BCL2L13: variants seen among roughly 807,000 people sequenced by gnomAD.
BCL2L13 encodes BCL2 like 13, also known as bcl-2-like protein 13.
A neutral mutation model predicts 25.8 loss-of-function variants in BCL2L13; 13 were observed. The observed-to-expected ratio is 0.50, with a 90% CI of 0.33 to 0.80. The LOEUF is 0.80. BCL2L13 is among the 30% of genes least tolerant of loss of function. BCL2L13 has a pLI of 0.02. For synonymous variants in BCL2L13, 244 were observed against 230.3 expected (o/e 1.06, Z -0.54); for missense variants, 504 against 574.9 (o/e 0.88, Z 1.26).
upstream of BCL2L13, chr22:17,638,651 G>A (rs764704532): frequency 6.8e-5 from 84 of 1,229,910 alleles, no homozygotes; most frequent in Non-Finnish European, 8.1e-5. Flanking sequence ...GAGACCTCCG[G>A]GGCCTCCGTT....
chr22:17,650,303 A>G (rs959933323), intron 1 of BCL2L13, among the ~76,000 whole-genome samples: 3 of 152,054 alleles, frequency 2.0e-5, no homozygotes, highest in African/African-American at 4.8e-5. Flanking sequence ...TTCTGTTTCA[A>G]TCTGGACTGA....
intron 1 of BCL2L13, among the ~76,000 whole-genome samples, chr22:17,630,881 G>A (rs1004050386): frequency 2.6e-5 from 4 of 151,114 alleles, no homozygotes; most frequent in East Asian, 2.0e-4. Context: ...GTGAGCCACC[G>A]CGCCCAGCCA....
intron 3 of BCL2L13, among the ~76,000 whole-genome samples, chr22:17,687,566 G>A (rs2059980252): frequency 6.6e-6 from 1 of 151,952 alleles, no homozygotes; most frequent in South Asian, 2.1e-4. Context: ...ACCCAGGCTG[G>A]AGTGCAGTGT....
intron 4 of BCL2L13, among the ~76,000 whole-genome samples, chr22:17,692,994 T>C (rs1228233374): frequency 2.0e-5 from 3 of 152,158 alleles, no homozygotes; most frequent in Non-Finnish European, 2.9e-5. Context: ...TTTCTAATGC[T>C]CATTAGCCAC....
upstream of BCL2L13, among the ~76,000 whole-genome samples, chr22:17,637,711 T>C (rs1056578641): frequency 1.3e-5 from 2 of 152,050 alleles, no homozygotes; most frequent in Non-Finnish European, 2.9e-5. Flanking sequence ...ACTAAGCCTT[T>C]CCTTTGCAAA....
chr22:17,723,824 T>C (rs1012239628), intron 6 of BCL2L13, among the ~76,000 whole-genome samples: 5 of 151,484 alleles, frequency 3.3e-5, no homozygotes, highest in African/African-American at 1.2e-4. Context: ...TTCCAGCTAC[T>C]CGGGAGGCTG....
intron 2 of BCL2L13, among the ~76,000 whole-genome samples, chr22:17,662,219 C>A (rs1335388543): frequency 6.6e-6 from 1 of 152,220 alleles, no homozygotes; most frequent in Non-Finnish European, 1.5e-5. Flanking sequence ...TGGCTCACGC[C>A]TGTAATCCCA....
At chr22:17,676,947 T>C (rs1027192225) in intron 2 of BCL2L13, among the ~76,000 whole-genome samples, 4 of 152,252 alleles carry the variant, frequency 2.6e-5, no homozygotes, top group Non-Finnish European at 5.9e-5. Flanking sequence ...CAAGTTTTTA[T>C]GAATGTAGTT....
chr22:17,681,305 G>A (rs1177608039), intron 2 of BCL2L13, among the ~76,000 whole-genome samples: 1 of 151,992 alleles, frequency 6.6e-6, no homozygotes, highest in Non-Finnish European at 1.5e-5. Context: ...AGGAGATCGA[G>A]ACCATCCTGG....
chr22:17,653,631 A>G (rs754174631), intron 1 of BCL2L13, among the ~76,000 whole-genome samples: 1 of 151,198 alleles, frequency 6.6e-6, no homozygotes, highest in Non-Finnish European at 1.5e-5. Context: ...CAGCCTCCCA[A>G]GTAACTAGGA....
chr22:17,631,696 ATATATATATATTTTTTTTTTTTTTTTTT>A (rs2058029305), intron 1 of BCL2L13, among the ~76,000 whole-genome samples: 4 of 33,226 alleles, frequency 1.2e-4, no homozygotes, highest in Non-Finnish European at 1.9e-4. Context: ...ATATATATAT[ATATATATATATTTTTTTTTTTTTTTTTT>A]TTTTTTTTTT....
intron 2 of BCL2L13, among the ~76,000 whole-genome samples, chr22:17,669,575 T>G (rs1404609880): frequency 6.6e-6 from 1 of 152,190 alleles, no homozygotes; most frequent in Admixed American, 6.5e-5. Context: ...AGGTCATCCA[T>G]GAGGGATGCA....
chr22:17,681,015 C>T (rs1304924713), intron 2 of BCL2L13, among the ~76,000 whole-genome samples: 1 of 152,094 alleles, frequency 6.6e-6, no homozygotes, highest in East Asian at 1.9e-4. Context: ...GTCCCATTTC[C>T]TACTCTGTCG....
rs1034523805 is a variant in BCL2L13 at position 17,721,180 on chromosome 22, AAT to A, written c.601-5486_601-5485del. 2.6e-5 allele frequency among the ~76,000 whole-genome samples: 4 copies of A among 151,304 alleles called. No individual in the cohort carries two copies. The South Asian group carries it at 8.3e-4, about 31-fold the overall frequency. On this transcript the variant is annotated intron_variant, in intron 6 of 6. Transcript: ENST00000317582. ...GCGAGACTCCGTCTCAAAAAAAAAAAATATATATATATTTCCACGTGCCCCAC... is the reference window on the plus strand; with the variant it reads ...GCGAGACTCCGTCTCAAAAAAAAAAAATATATATATTTCCACGTGCCCCAC...
intron 2 of BCL2L13, among the ~76,000 whole-genome samples, chr22:17,673,971 A>G (rs1221114514): frequency 6.6e-6 from 1 of 152,180 alleles, no homozygotes; most frequent in Non-Finnish European, 1.5e-5. Context: ...GCTGTCAAGT[A>G]TTTGAATATT....
rs758024400 is a variant in BCL2L13, at chr22:17,726,734, G to T, written c.658G>T (p.Asp220Tyr). ...EEEYPGITAEDSNDIYILPSD... is the reference protein window; with the variant it reads ...EEEYPGITAEYSNDIYILPSD... Reference sequence around the variant, plus strand: ...GGAATACCCTGGAATCACTGCAGAAGATAGCAATGACATTTACATCCTGCC... The same window carrying T: ...GGAATACCCTGGAATCACTGCAGAATATAGCAATGACATTTACATCCTGCC... The change falls in exon 7 of 7, where the codon GAT becomes TAT. Residue 220 changes from aspartate (D) to tyrosine (Y), a missense_variant. Transcript: ENST00000317582. 121 of 1,614,024 alleles carry T rather than the reference G, an allele frequency of 7.5e-5. No homozygotes were observed. The highest frequency in any genetic ancestry group is 1.0e-4 in the Non-Finnish European group (119 of 1,180,012).
chr22:17,654,296 GT>G (rs943174262), intron 1 of BCL2L13, among the ~76,000 whole-genome samples: 11 of 151,924 alleles, frequency 7.2e-5, no homozygotes, highest in African/African-American at 1.9e-4. Flanking sequence ...TAGAGACAAG[GT>G]TTTACCATGT....
intron 1 of BCL2L13, among the ~76,000 whole-genome samples, chr22:17,641,797 T>TG (rs1342820839): frequency 7.5e-5 from 10 of 133,966 alleles, no homozygotes; most frequent in Non-Finnish European, 1.6e-5. Flanking sequence ...ACATAATATG[T>TG]GTTTTTTTTT....
chr22:17,638,921 G>C, intron 1 of BCL2L13, 35 bp downstream of exon 1: 1 of 1,229,810 alleles, frequency 8.1e-7, no homozygotes, highest in Non-Finnish European at 1.0e-6. Flanking sequence ...GGCTGAGCTG[G>C]GTGAGGAGGT....
Sources: gnomAD v4.1 joint callset for allele counts (sites outside exome capture counted in the v4.1 genomes callset) on GRCh38, gnomAD v4.1.1 for gene constraint, MANE v1.5 for transcripts, NCBI Gene and HGNC (gene_info 2026-07-23, HGNC 2026-07-21) for gene names.